TPRG1: variants seen among roughly 807,000 people sequenced by gnomAD.
The protein encoded by TPRG1 is tumor protein p63 regulated 1.
A neutral mutation model predicts 29.3 loss-of-function variants in TPRG1; 29 were observed. The ratio of observed to expected loss-of-function variants is 0.99; its 90% CI spans 0.74 to 1.35. The LOEUF is 1.35. Ranked by LOEUF, TPRG1 falls within the 40% of genes most tolerant of loss-of-function variation. The probability of loss-of-function intolerance (pLI) is 0.00; values close to 1 mark genes in which losing one functional copy is unlikely to be tolerated. For missense variants in TPRG1, 327 were observed against 335.0 expected, an observed-to-expected ratio of 0.98 and a Z score of 0.19; for synonymous variants, 130 against 116.8, an observed-to-expected ratio of 1.11 and a Z score of -0.73.
intron 4 of TPRG1, among the ~76,000 whole-genome samples, chr3:189,065,606 A>G (rs1014938124): frequency 2.6e-5 from 4 of 152,132 alleles, no homozygotes; most frequent in South Asian, 2.1e-4. Context: ...ATATTTCACA[A>G]TATCAAACAT....
chr3:189,143,503 G>C (rs1206151023), intron 3 of TPRG1, among the ~76,000 whole-genome samples: 1 of 152,202 alleles, frequency 6.6e-6, no homozygotes, highest in East Asian at 1.9e-4. Context: ...ATGCATATTT[G>C]TATGGCTCTG....
At chr3:189,258,256 GC>G (rs1292269190) in intron 4 of TPRG1, among the ~76,000 whole-genome samples, 1 of 151,436 alleles carries the variant, frequency 6.6e-6, no homozygotes, top group African/African-American at 2.4e-5. Context: ...TCTAAGTCAG[GC>G]CCCTCTTCTG....
intron 1 of TPRG1, among the ~76,000 whole-genome samples, chr3:189,122,448 T>A (rs998863380): frequency 6.6e-6 from 1 of 152,232 alleles, no homozygotes; most frequent in Non-Finnish European, 1.5e-5. Flanking sequence ...GGACAAAGTA[T>A]TTTAGAAAAG....
intron 1 of TPRG1, among the ~76,000 whole-genome samples, chr3:189,120,767 T>C (rs1034615055): frequency 4.6e-5 from 7 of 152,202 alleles, no homozygotes; most frequent in African/African-American, 1.7e-4. Flanking sequence ...TCATCTAAAT[T>C]ATAGCTGAAA....
In TPRG1 at chr3:189,321,066, A is replaced by AGTTATCAAATGAGTG. The variant is rs1226933293; in HGVS notation, c.*246_*247insGTTATCAAATGAGTG. ...ATAAATGCTGCTGAGCCTATCAAAT[A>AGTTATCAAATGAGTG]CTGTTATCAAATGAGTGCCTGATCA... On this transcript the variant is annotated 3_prime_UTR_variant, in exon 6 of 6. Coordinates refer to ENST00000345063, the MANE Select transcript of TPRG1 (RefSeq NM_198485.4). The AGTTATCAAATGAGTG allele has an allele frequency of 3.0e-6, 1 of 328,054 alleles. No individual in the cohort carries two copies. The highest frequency in any genetic ancestry group is 4.8e-5 in the Admixed American group (1 of 20,672). The allele number at this position is 328,054 out of a possible 1,614,324, so 20.3% of individuals were successfully genotyped here.
At chr3:189,198,303 C>T (rs1432617393) in intron 1 of TPRG1, among the ~76,000 whole-genome samples, 1 of 152,192 alleles carries the variant, frequency 6.6e-6, no homozygotes, top group Non-Finnish European at 1.5e-5. Flanking sequence ...TTCCCCTCTT[C>T]CCACTCACCA....
intron 1 of TPRG1, among the ~76,000 whole-genome samples, chr3:189,186,878 ATTG>A (rs1730988217): frequency 1.3e-5 from 2 of 151,806 alleles, no homozygotes; most frequent in Non-Finnish European, 2.9e-5. Flanking sequence ...TCTGCTCACA[ATTG>A]TTCAGATTCC....
intron 3 of TPRG1, among the ~76,000 whole-genome samples, chr3:189,145,089 T>C (rs9850342): frequency 0.31 from 47,086 of 151,890 alleles, 7,694 homozygotes; most frequent in Admixed American, 0.44. Flanking sequence ...ACCGGCCGGG[T>C]GCGGTGGCTC....
At chr3:189,182,776 AATTTATTT>A (rs61264752) in intron 1 of TPRG1, among the ~76,000 whole-genome samples, 439 of 151,652 alleles carry the variant, frequency 2.9e-3, no homozygotes, top group Non-Finnish European at 4.7e-3. Flanking sequence ...TCATTATAGG[AATTTATTT>A]ATTTATTTCC....
At chr3:189,222,434 A>G (rs1460821210) in intron 3 of TPRG1, among the ~76,000 whole-genome samples, 6 of 152,136 alleles carry the variant, frequency 3.9e-5, no homozygotes, top group African/African-American at 1.2e-4. Context: ...TCGAAACTGC[A>G]TTTTCTACTC....
chr3:189,324,090 A>G lies in TPRG1; in HGVS notation c.*3270A>G, dbSNP rs1724531312. On this transcript the variant is annotated 3_prime_UTR_variant, in exon 6 of 6. Transcript: ENST00000345063. ...CCTGACCTTTGGTCATCTTAAGGTC[A>G]TCTAAGGCAGAAAAGAGAAGCTCAC... 6.6e-6 allele frequency: 1 copy of G among 152,180 alleles called. No homozygotes were observed. Among genetic ancestry groups the G allele is most frequent in the Admixed American group, 6.6e-5 (1 of 15,258 alleles). 9.4% of individuals were successfully genotyped at this position (152,180 alleles called of 1,614,324 possible). A position where few individuals can be genotyped will look rare whatever the true frequency, so the allele number is the denominator to read the frequency against.
chr3:189,028,173 A>G (rs1713757466), intron 4 of TPRG1, among the ~76,000 whole-genome samples: 1 of 152,200 alleles, frequency 6.6e-6, no homozygotes, highest in South Asian at 2.1e-4. Context: ...ATCGTACTCC[A>G]TGACTTCACG....
At chr3:189,034,164 C>A (rs945432717) in intron 4 of TPRG1, among the ~76,000 whole-genome samples, 1 of 152,082 alleles carries the variant, frequency 6.6e-6, no homozygotes, top group African/African-American at 2.4e-5. Flanking sequence ...AAAAAGGGGA[C>A]AAATAGAAGT....
At chr3:189,169,366 T>C (rs141473230), upstream of TPRG1, among the ~76,000 whole-genome samples, 846 of 152,282 alleles carry the variant, frequency 5.6e-3, 10 homozygotes, top group African/African-American at 0.02. Flanking sequence ...GGTTTCACCA[T>C]GTTGGCCACG....
chr3:189,108,717 T>C (rs936085754), intron 1 of TPRG1, among the ~76,000 whole-genome samples: 24 of 152,086 alleles, frequency 1.6e-4, no homozygotes, highest in African/African-American at 5.8e-4. Context: ...TTCAACAATA[T>C]CAAATCAATA....
At chr3:189,011,069 G>C (rs924359407) in intron 3 of TPRG1, among the ~76,000 whole-genome samples, 2 of 152,096 alleles carry the variant, frequency 1.3e-5, no homozygotes, top group Non-Finnish European at 2.9e-5. Flanking sequence ...AGATCAGATG[G>C]TTATAGGTGT....
intron 1 of TPRG1, among the ~76,000 whole-genome samples, chr3:189,176,128 C>T (rs1459189953): frequency 6.6e-6 from 1 of 152,182 alleles, no homozygotes; most frequent in Non-Finnish European, 1.5e-5. Flanking sequence ...TTAATATTTA[C>T]ACAACTCCAA....
chr3:189,015,632 T>C (rs1341169506), intron 3 of TPRG1, among the ~76,000 whole-genome samples: 3 of 152,192 alleles, frequency 2.0e-5, no homozygotes, highest in Non-Finnish European at 2.9e-5. Context: ...AGGGCCCTGC[T>C]GCTCTTTGCA....
upstream of TPRG1, among the ~76,000 whole-genome samples, chr3:189,167,953 G>A (rs950028204): frequency 7.2e-5 from 11 of 152,154 alleles, no homozygotes; most frequent in Non-Finnish European, 1.2e-4. Context: ...GGCAGAATGG[G>A]AACTAAATCT....
Sources: gnomAD v4.1 joint callset for allele counts (sites outside exome capture counted in the v4.1 genomes callset) on GRCh38, gnomAD v4.1.1 for gene constraint, MANE v1.5 for transcripts, NCBI Gene and HGNC (gene_info 2026-07-23, HGNC 2026-07-21) for gene names.